Variants in BCAS1 observed in about 807,000 individuals in gnomAD.
BCAS1 encodes breast carcinoma-amplified sequence 1.
A neutral mutation model predicts 65.4 loss-of-function variants in BCAS1; 46 were observed. The ratio of observed to expected loss-of-function variants is 0.70; its 90% confidence interval spans 0.55 to 0.90. The LOEUF is 0.90. Among genes scored for constraint, BCAS1 ranks in the 40% least tolerant of loss-of-function variants. The pLI is 0.00. For synonymous variants in BCAS1, 298 were observed against 293.5 expected, an observed-to-expected ratio of 1.02 and a Z score of -0.16; for missense variants, 793 against 771.2, an observed-to-expected ratio of 1.03 and a Z score of -0.33.
chr20:54,004,982 G>A (rs1408010057), intron 4 of BCAS1, among the ~76,000 whole-genome samples: 2 of 152,218 alleles, frequency 1.3e-5, no homozygotes, highest in African/African-American at 4.8e-5. Context: ...TTAGGAGAAT[G>A]TGCAGTACAG....
intron 3 of BCAS1, among the ~76,000 whole-genome samples, chr20:54,041,502 C>G (rs1029768982): frequency 1.1e-4 from 16 of 152,044 alleles, no homozygotes; most frequent in African/African-American, 3.6e-4. Context: ...AAAATAAAAG[C>G]ACAATAAAAT....
At chr20:54,011,150 T>A (rs208373) in intron 4 of BCAS1, among the ~76,000 whole-genome samples, 2,754 of 117,828 alleles carry the variant, frequency 0.023, 56 homozygotes, top group East Asian at 0.12. Flanking sequence ...AAGAGAAAAT[T>A]TCTGAGACCT....
chr20:54,003,659 A>G (rs935856422), intron 4 of BCAS1, among the ~76,000 whole-genome samples: 3 of 152,198 alleles, frequency 2.0e-5, no homozygotes, highest in African/African-American at 4.8e-5. Flanking sequence ...AATAATACAC[A>G]TATTCTACAA....
chr20:53,966,936 T>G lies in BCAS1; in HGVS notation c.1455A>C (p.Arg485Ser). 1 of 1,612,726 alleles carries G rather than the reference T, an allele frequency of 6.2e-7. No individual in the cohort carries two copies. Among genetic ancestry groups the G allele is most frequent in the Non-Finnish European group, 8.5e-7 (1 of 1,179,558 alleles). The change falls in exon 10 of 13, where the codon AGA (arginine) becomes AGC (serine). Residue 485 changes from arginine to serine, a missense_variant. By Grantham distance (110) the Arg-to-Ser change is moderately radical (BLOSUM62 -1). Transcript: ENST00000688948. ...GTCTGAGAAACGCCATCAGAGAGGT[T>G]CTTGGTTTGCTTTCTTCTCTTTTGA... Reference protein sequence around the residue: ...AKLKREESKPRTSLMAFLRQM... With the variant: ...AKLKREESKPSTSLMAFLRQM...
At chr20:53,980,512 G>A (rs1043914984) in intron 8 of BCAS1, among the ~76,000 whole-genome samples, 7 of 152,198 alleles carry the variant, frequency 4.6e-5, no homozygotes, top group Non-Finnish European at 2.9e-5. Flanking sequence ...GGCTATTATT[G>A]TCAGGCAGTG....
At chr20:53,982,298 C>G (rs1211862090) in intron 8 of BCAS1, among the ~76,000 whole-genome samples, 3 of 152,174 alleles carry the variant, frequency 2.0e-5, no homozygotes, top group Admixed American at 6.5e-5. Context: ...ATCCAATTTA[C>G]TCAGAACAAT....
intron 10 of BCAS1, among the ~76,000 whole-genome samples, chr20:53,960,469 TAAAAA>T (rs11467629): frequency 2.7e-4 from 17 of 63,112 alleles, no homozygotes; most frequent in African/African-American, 4.8e-4. Flanking sequence ...TTCAACTTCT[TAAAAA>T]AAAAAAAAAA....
rs138201692 is a variant in BCAS1, at chr20:53,995,653, T to A, written c.882+239A>T. On this transcript the variant is annotated intron_variant, in intron 5 of 12. Coordinates refer to ENST00000688948, the MANE Select transcript of BCAS1 (RefSeq NM_001366298.2). ...GAATTCCATTACAACACAGCCCATG[T>A]TACATGATTTGGGCATCCACTGCTT... is the stretch of plus-strand genomic sequence containing the variant. Among the ~76,000 whole-genome samples, 687 of 152,314 alleles carry A rather than the reference T, an allele frequency of 4.5e-3. 4 individuals are homozygous for A. The highest frequency in any genetic ancestry group is 7.1e-3 in the Non-Finnish European group (482 of 68,030).
At chr20:53,988,810 A>G (rs912126583) in intron 7 of BCAS1, among the ~76,000 whole-genome samples, 1 of 152,212 alleles carries the variant, frequency 6.6e-6, no homozygotes, top group African/African-American at 2.4e-5. Flanking sequence ...TTGGTGGCTA[A>G]GTAACTTGCC....
rs942781764 is a variant in BCAS1 at position 54,021,734 on chromosome 20, T to C, written c.723+6658A>G. On this transcript the variant is annotated intron_variant, in intron 4 of 12. Transcript: ENST00000688948. Reference sequence around the variant, plus strand: ...AACACACACTGGGGCCTGTCGGGGGTTGGGGGAGGGAGAGCATCAGGAAAA... The same window carrying C: ...AACACACACTGGGGCCTGTCGGGGGCTGGGGGAGGGAGAGCATCAGGAAAA... 1.7e-4 allele frequency among the ~76,000 whole-genome samples: 26 copies of C among 150,550 alleles called. 1 individual carries two copies. The highest frequency in any genetic ancestry group is 2.1e-4 in the South Asian group (1 of 4,714).
At chr20:53,951,875 G>T (rs1458389185) in intron 12 of BCAS1, among the ~76,000 whole-genome samples, 2 of 152,194 alleles carry the variant, frequency 1.3e-5, no homozygotes, top group African/African-American at 2.4e-5. Flanking sequence ...AGCTAATAAG[G>T]AACTATTACA....
chr20:53,982,497 G>T (rs2090508317), intron 8 of BCAS1, among the ~76,000 whole-genome samples: 1 of 152,052 alleles, frequency 6.6e-6, no homozygotes, highest in African/African-American at 2.4e-5. Flanking sequence ...ATTCATTTCT[G>T]CTGTCTGTAA....
At chr20:54,006,225 C>CA (rs1172520774) in intron 4 of BCAS1, among the ~76,000 whole-genome samples, 1 of 152,126 alleles carries the variant, frequency 6.6e-6, no homozygotes, top group African/African-American at 2.4e-5. Context: ...ATCTGCAAGG[C>CA]AAAAAGCCTA....
At chr20:53,998,823 A>G (rs1435031769) in intron 4 of BCAS1, among the ~76,000 whole-genome samples, 2 of 152,154 alleles carry the variant, frequency 1.3e-5, no homozygotes, top group East Asian at 3.8e-4. Context: ...TACGTCAAAT[A>G]TTTTACATTT....
chr20:54,032,724 A>T (rs1036668719), intron 3 of BCAS1, among the ~76,000 whole-genome samples: 4 of 151,402 alleles, frequency 2.6e-5, no homozygotes, highest in African/African-American at 4.8e-5. Flanking sequence ...AAAAGAAAAA[A>T]ATATGGGCAT....
rs2276503 is a variant in BCAS1 at position 53,988,494 on chromosome 20, G to A, written c.1063-2995C>T. 1.6e-4 allele frequency among the ~76,000 whole-genome samples: 25 copies of A among 152,254 alleles called. No homozygotes were observed. The East Asian group carries it at 4.4e-3, about 27-fold the overall frequency. ...AATGTCCTGACAAAAGTCCTATGAC[G>A]AACGATTATTTTTTGTATTTTAAAA... On this transcript the variant is annotated intron_variant, in intron 7 of 12. Transcript: ENST00000688948.
intron 4 of BCAS1, among the ~76,000 whole-genome samples, chr20:54,021,035 A>G (rs923097708): frequency 2.6e-5 from 4 of 152,226 alleles, no homozygotes; most frequent in Non-Finnish European, 5.9e-5. Context: ...CATTCACTTA[A>G]TGATTTCCAG....
chr20:53,945,451 G>C (rs778628481), intron 12 of BCAS1, among the ~76,000 whole-genome samples: 1 of 151,676 alleles, frequency 6.6e-6, no homozygotes, highest in Non-Finnish European at 1.5e-5. Flanking sequence ...TGTGAGCAAT[G>C]TGCAGGTTTG....
chr20:53,981,052 G>C (rs2090464469), intron 8 of BCAS1, among the ~76,000 whole-genome samples: 1 of 152,178 alleles, frequency 6.6e-6, no homozygotes, highest in African/African-American at 2.4e-5. Flanking sequence ...ATAGAAACTA[G>C]AATAACAGAG....
Sources: allele counts gnomAD v4.1 joint callset (sites outside exome capture counted in the v4.1 genomes callset), GRCh38; gene constraint gnomAD v4.1.1; transcripts MANE v1.5; gene names NCBI Gene and HGNC (gene_info 2026-07-23, HGNC 2026-07-21).